The following MATCAP2 variants were observed in gnomAD, a reference collection of about 807,000 sequenced individuals.
MATCAP2 encodes putative tyrosine carboxypeptidase MATCAP2.
the MATCAP2 span, among the ~76,000 whole-genome samples, chr7:36,368,944 A>G: frequency 6.6e-6 from 1 of 152,128 alleles, no homozygotes; most frequent in East Asian, 1.9e-4. Flanking sequence ...TGGCCACTCT[A>G]TTTAAAATTC....
chr7:36,346,199 G>C, the MATCAP2 span, among the ~76,000 whole-genome samples: 2 of 152,076 alleles, frequency 1.3e-5, no homozygotes, highest in Non-Finnish European at 2.9e-5. Context: ...AACTAAAATG[G>C]TATAATCACT....
the MATCAP2 span, among the ~76,000 whole-genome samples, chr7:36,328,256 G>T: frequency 7.5e-6 from 1 of 132,480 alleles, no homozygotes; most frequent in Non-Finnish European, 1.6e-5. Flanking sequence ...GGGGGGTCTT[G>T]CTATGTTGCC....
chr7:36,386,789 A>G, the MATCAP2 span, among the ~76,000 whole-genome samples: 1 of 152,226 alleles, frequency 6.6e-6, no homozygotes, highest in South Asian at 2.1e-4. Flanking sequence ...GTATCCACAT[A>G]TTGGGGAGGA....
the MATCAP2 span, among the ~76,000 whole-genome samples, chr7:36,353,479 C>A: frequency 1.9e-3 from 140 of 74,712 alleles, 1 homozygote; most frequent in African/African-American, 5.5e-3. Flanking sequence ...CCTGTTTATG[C>A]TCTTTTTTTT....
chr7:36,327,738 G>A, the MATCAP2 span, among the ~76,000 whole-genome samples: 1 of 152,174 alleles, frequency 6.6e-6, no homozygotes, highest in African/African-American at 2.4e-5. Flanking sequence ...ATACTCATTG[G>A]AGCATGTGGA....
chr7:36,371,292 T>C, the MATCAP2 span, among the ~76,000 whole-genome samples: 10 of 152,190 alleles, frequency 6.6e-5, no homozygotes, highest in South Asian at 1.0e-3. Context: ...TTTGTATTTT[T>C]TTGTAGAGAT....
At chr7:36,370,717 G>A in the MATCAP2 span, among the ~76,000 whole-genome samples, 2 of 152,216 alleles carry the variant, frequency 1.3e-5, no homozygotes, top group Non-Finnish European at 2.9e-5. Context: ...CTGACCTCAG[G>A]TGATCCACCC....
chr7:36,390,343 T>A, the MATCAP2 span: 1 of 451,920 alleles, frequency 2.2e-6, no homozygotes, highest in Non-Finnish European at 4.0e-6. Flanking sequence ...TCTGCAGTCC[T>A]GGCGCAGCAA....
At chr7:36,371,026 A>G in the MATCAP2 span, among the ~76,000 whole-genome samples, 1 of 152,342 alleles carries the variant, frequency 6.6e-6, no homozygotes, top group Admixed American at 6.5e-5. Context: ...AAATAATAGA[A>G]AAATAGGTGT....
the MATCAP2 span, chr7:36,337,543 G>C: frequency 6.6e-6 from 1 of 152,162 alleles, no homozygotes; most frequent in Admixed American, 6.5e-5. Flanking sequence ...TGAGCTGTCA[G>C]ACTAGTGAAG....
At chr7:36,345,843 A>G in the MATCAP2 span, among the ~76,000 whole-genome samples, 2 of 152,192 alleles carry the variant, frequency 1.3e-5, no homozygotes, top group African/African-American at 2.4e-5. Flanking sequence ...CAACAAAAAG[A>G]TAAGATGGAC....
At chr7:36,336,314 G>T in the MATCAP2 span, 1 of 1,487,550 alleles carries the variant, frequency 6.7e-7, no homozygotes, top group Non-Finnish European at 9.0e-7. Context: ...AAGAAAGAGA[G>T]ATAATGAAAG....
the MATCAP2 span, among the ~76,000 whole-genome samples, chr7:36,343,649 AAGAGAAGGAAGGAAAGAAAGTAAAG>A: frequency 1.9e-4 from 1 of 5,222 alleles, no homozygotes. Flanking sequence ...AGAAAAAGAA[AAGAGAAGGAAGGAAAGAAAGTAAAG>A]GAAGGAAGGA....
chr7:36,357,464 G>A, the MATCAP2 span: 4 of 1,613,992 alleles, frequency 2.5e-6, no homozygotes, highest in African/African-American at 1.3e-5. Context: ...GGTTCCAGTT[G>A]TGAAAATGTC....
the MATCAP2 span, among the ~76,000 whole-genome samples, chr7:36,369,095 C>T: frequency 6.6e-6 from 1 of 152,168 alleles, no homozygotes; most frequent in Non-Finnish European, 1.5e-5. Flanking sequence ...TCCACAAGTG[C>T]AGTGATTTTT....
the MATCAP2 span, among the ~76,000 whole-genome samples, chr7:36,352,175 T>G: frequency 6.7e-6 from 1 of 149,276 alleles, no homozygotes; most frequent in East Asian, 2.0e-4. Flanking sequence ...GTGGGTGGAT[T>G]ACCTGAGGTC....
At chr7:36,389,477 C>T in the MATCAP2 span, among the ~76,000 whole-genome samples, 1 of 152,216 alleles carries the variant, frequency 6.6e-6, no homozygotes, top group South Asian at 2.1e-4. Flanking sequence ...ATCCTCCAGC[C>T]TCAGCCTCCC....
the MATCAP2 span, chr7:36,356,839 A>G: frequency 1.5e-6 from 2 of 1,320,702 alleles, no homozygotes; most frequent in East Asian, 2.3e-5. Context: ...TTTTGCTTAT[A>G]AGATCACAGA....
the MATCAP2 span, among the ~76,000 whole-genome samples, chr7:36,340,411 G>A: frequency 2.6e-5 from 4 of 152,082 alleles, no homozygotes; most frequent in East Asian, 1.9e-4. Context: ...CTTTGCTGAG[G>A]GAATGCATTT....
Sources: gnomAD v4.1 joint callset for allele counts (sites outside exome capture counted in the v4.1 genomes callset) on GRCh38, gnomAD v4.1.1 for gene constraint, MANE v1.5 for transcripts, NCBI Gene and HGNC (gene_info 2026-07-23, HGNC 2026-07-21) for gene names.